The following BCL6 variants were observed in gnomAD, a reference collection of about 807,000 sequenced individuals.
BCL6 encodes the protein BCL6 transcription repressor, also known as B-cell lymphoma 6 protein.
BCL6 carries 7 observed loss-of-function variants against 59.5 expected under a neutral mutation model. The observed-to-expected ratio is 0.12, with a 90% CI of 0.07 to 0.22. The LOEUF (loss-of-function observed/expected upper bound fraction) is 0.22. Ranked by LOEUF, BCL6 falls within the 10% of genes least tolerant of loss-of-function variation. BCL6 has a pLI of 1.00. For synonymous variants in BCL6, 339 were observed against 349.7 expected, an observed-to-expected ratio of 0.97 and a Z score of 0.34; for missense variants, 685 against 939.4, an observed-to-expected ratio of 0.73 and a Z score of 3.54.
chr3:187,735,105 TA>T (rs1319343023), intron 1 of BCL6, among the ~76,000 whole-genome samples, 198 bp from the exon 2 acceptor site: 3 of 152,230 alleles, frequency 2.0e-5, no homozygotes, highest in Admixed American at 6.5e-5. Flanking sequence ...AGCTATGAGA[TA>T]ATAATGTTTT....
At chr3:187,728,238 G>T in intron 6 of BCL6, 122 bp downstream of exon 6, 1 of 1,049,914 alleles carries the variant, frequency 9.5e-7, no homozygotes, top group Non-Finnish European at 1.3e-6. Context: ...GAGTGCCAGT[G>T]GACTTCCAAT....
intron 7 of BCL6, among the ~76,000 whole-genome samples, chr3:187,726,238 A>G (rs1718688304): frequency 1.3e-5 from 2 of 152,234 alleles, no homozygotes. Context: ...GAGGAAACCA[A>G]TAGAATGGCT....
At chr3:187,740,043 C>A (rs1228312217) in intron 1 of BCL6, among the ~76,000 whole-genome samples, 1 of 152,196 alleles carries the variant, frequency 6.6e-6, no homozygotes, top group Non-Finnish European at 1.5e-5. Flanking sequence ...GGGCCGAACT[C>A]GATCCCCGCC....
chr3:187,726,727 A>AT lies in BCL6; in HGVS notation c.1708+3dup. On this transcript the variant is annotated splice_donor_region_variant and intron_variant, in intron 7 of 9. Transcript: ENST00000406870. ...AGTTCGGGTCGTGTGGGGCAGGGCC[A>AT]TACCGGTATGGACGGTCTTGTGGCT... 2 of 1,613,918 alleles carry AT rather than the reference A, an allele frequency of 1.2e-6. No homozygotes were observed. The highest frequency in any genetic ancestry group is 1.7e-6 in the Non-Finnish European group (2 of 1,179,920).
At chr3:187,745,160 T>A (rs1711876381) in intron 1 of BCL6, among the ~76,000 whole-genome samples, 1 of 152,134 alleles carries the variant, frequency 6.6e-6, no homozygotes, top group South Asian at 2.1e-4. Flanking sequence ...TATCCTATGG[T>A]GGGAGAGACG....
rs1031592332 is a variant in BCL6 at position 187,728,583 on chromosome 3, A to G, written c.1356-39T>C. The G allele has an allele frequency of 7.6e-6, 12 of 1,569,298 alleles. No homozygotes were observed. In the African/African-American group the frequency reaches 1.7e-4, roughly 22 times the overall value. Reference sequence around the variant, plus strand: ...TAAAAACAGCCTCAGCACCTGGGGCAGGGCCTCAAGACCACCCTCTCCTCC... The same window carrying G: ...TAAAAACAGCCTCAGCACCTGGGGCGGGGCCTCAAGACCACCCTCTCCTCC... On this transcript the variant is annotated intron_variant, in intron 5 of 9. Coordinates refer to ENST00000406870, the MANE Select transcript of BCL6 (RefSeq NM_001706.5).
At position 187,727,333 on chromosome 3, in the gene BCL6, A is replaced by G. The variant is rs3821818; in HGVS notation, c.1541-435T>C. Among the ~76,000 whole-genome samples, 16 of 152,346 alleles carry G rather than the reference A, an allele frequency of 1.1e-4. No individual in the cohort carries two copies. In the East Asian group the frequency reaches 3.1e-3, roughly 29 times the overall value. On this transcript the variant is annotated intron_variant, in intron 6 of 9. Transcript: ENST00000406870. ...TCTCTGTATCTCTGTCTTCAAAGTC[A>G]GATAATAAATCCCTGTCCTGCCTAC... is the stretch of plus-strand genomic sequence containing the variant.
At chr3:187,727,144 T>C (rs553677269) in intron 6 of BCL6, among the ~76,000 whole-genome samples, 21 of 152,316 alleles carry the variant, frequency 1.4e-4, no homozygotes, top group Middle Eastern at 3.4e-3. Flanking sequence ...GAAGGGAAGC[T>C]CAAACCAACA....
At chr3:187,731,969 C>G in intron 3 of BCL6, 39 bp from the exon 4 acceptor site, 1 of 1,548,998 alleles carries the variant, frequency 6.5e-7, no homozygotes, top group Non-Finnish European at 8.9e-7. Flanking sequence ...GTAGACATAT[C>G]GAATCTGTGA....
At chr3:187,723,493 C>T (rs1463587412) in intron 9 of BCL6, among the ~76,000 whole-genome samples, 8 of 152,138 alleles carry the variant, frequency 5.3e-5, no homozygotes, top group African/African-American at 1.2e-4. Flanking sequence ...ATGGAACTAA[C>T]GTAAGATGTT....
chr3:187,724,259 T>C (rs929776325), intron 9 of BCL6, among the ~76,000 whole-genome samples: 1 of 152,220 alleles, frequency 6.6e-6, no homozygotes, highest in Non-Finnish European at 1.5e-5. Flanking sequence ...TTAAATTTCA[T>C]ATAATTTGCA....
At chr3:187,727,014 T>TCACC in intron 6 of BCL6, 116 bp from the exon 7 acceptor site, 1 of 1,179,206 alleles carries the variant, frequency 8.5e-7, no homozygotes, top group South Asian at 1.5e-5. Context: ...AGTCCCTCAC[T>TCACC]CACCCACCCG....
In BCL6 at chr3:187,722,308, C is replaced by G; in HGVS notation, c.*150G>C. On this transcript the variant is annotated 3_prime_UTR_variant, in exon 10 of 10. Coordinates refer to ENST00000406870, the MANE Select transcript of BCL6 (RefSeq NM_001706.5). ...CTGCGGCTCCCAGTCCCCCAGGCCC[C>G]GACCCCCACCACCCCCAACCCCCAG... The G allele has an allele frequency of 2.2e-5, 7 of 313,144 alleles. No homozygotes were observed. The highest frequency in any genetic ancestry group is 2.2e-4 in the South Asian group (3 of 13,764). The allele number at this position is 313,144 out of a possible 1,614,324, so 19.4% of individuals were successfully genotyped here.
chr3:187,744,358 C>T (rs1711771375), intron 1 of BCL6, among the ~76,000 whole-genome samples: 1 of 146,590 alleles, frequency 6.8e-6, no homozygotes, highest in Middle Eastern at 3.4e-3. Context: ...CGCCATCAGT[C>T]TCTCTCCTCG....
At position 187,725,454 on chromosome 3, in the gene BCL6, G is replaced by GCTCGCCTGCCCACTC; in HGVS notation, c.1839+44_1839+45insGAGTGGGCAGGCGAG. ...TGCCCACTCCTCCGCTCGCCTGCCC[G>GCTCGCCTGCCCACTC]CTCCGCTCGCCTGCCCGCTCCGCTC... is the stretch of plus-strand genomic sequence containing the variant. On this transcript the variant is annotated intron_variant, in intron 8 of 9. Coordinates refer to ENST00000406870, the MANE Select transcript of BCL6 (RefSeq NM_001706.5). This position sits in a 1 kb window ranked among gnomAD's most constrained non-coding sequence, Gnocchi z 4.7. 3 of 1,545,914 alleles carry GCTCGCCTGCCCACTC rather than the reference G, an allele frequency of 1.9e-6. No individual in the cohort carries two copies. The highest frequency in any genetic ancestry group is 2.6e-6 in the Non-Finnish European group (3 of 1,150,192).
At chr3:187,743,936 C>T (rs1028100605) in intron 1 of BCL6, among the ~76,000 whole-genome samples, 2 of 152,184 alleles carry the variant, frequency 1.3e-5, no homozygotes, top group South Asian at 2.1e-4. Context: ...GCCCGCTCCT[C>T]CCGCGCCGGG....
In BCL6 at chr3:187,729,612, T is replaced by C. The variant is rs1048274829; in HGVS notation, c.793A>G (p.Ile265Val). The change falls in exon 5 of 10, where the codon ATC (isoleucine) becomes GTC (valine). Residue 265 changes from isoleucine (I) to valine (V), a missense_variant. Ile to Val is a conservative substitution (Grantham distance 29). This residue lies in a region of BCL6 where 268 missense variants were observed against 263.8 expected (regional missense o/e 1.02). Coordinates refer to ENST00000406870, the MANE Select transcript of BCL6 (RefSeq NM_001706.5). This position sits in a 1 kb window ranked among gnomAD's most constrained non-coding sequence, Gnocchi z 5.6. ...ATATCACTTCGTGCCTCTTCTGGGA[T>C]TGTTTCCTTGGGTGAATAGATATTG... ...HSNIYSPKET[I>V]PEEARSDMHY... 3.7e-6 allele frequency: 6 copies of C among 1,614,152 alleles called. No individual in the cohort carries two copies. The highest frequency in any genetic ancestry group is 1.6e-4 in the Middle Eastern group (1 of 6,062).
chr3:187,745,320 A>G (rs1711900489), intron 1 of BCL6, 90 bp downstream of exon 1: 3 of 401,098 alleles, frequency 7.5e-6, no homozygotes, highest in Middle Eastern at 5.0e-4. Flanking sequence ...AATAATGATC[A>G]TGAGCAGCGG....
chr3:187,737,381 G>GAGAGAA lies in BCL6; in HGVS notation c.-49-2475_-49-2474insTTCTCT, dbSNP rs1553841128. 5.0e-3 allele frequency: 630 copies of GAGAGAA among 125,412 alleles called. 17 individuals are homozygous for GAGAGAA. Among genetic ancestry groups the GAGAGAA allele is most frequent in the African/African-American group, 0.018 (451 of 25,750 alleles). The allele number at this position is 125,412 out of a possible 1,614,324, so 7.8% of individuals were successfully genotyped here. A position where few individuals can be genotyped will look rare whatever the true frequency, so the allele number is the denominator to read the frequency against. On this transcript the variant is annotated intron_variant, in intron 1 of 9. Coordinates refer to ENST00000406870, the MANE Select transcript of BCL6 (RefSeq NM_001706.5). ...AGAGAGAGAGAGAGAGAGAGAGAGA[G>GAGAGAA]AGAGAGAGAGAGAGAAAATGAGAGA...
Sources: allele counts gnomAD v4.1 joint callset (sites outside exome capture counted in the v4.1 genomes callset), GRCh38; gene constraint gnomAD v4.1.1; regional missense constraint gnomAD v4.1.1; non-coding constraint Gnocchi (gnomAD v3.1); transcripts MANE v1.5; gene names NCBI Gene and HGNC (gene_info 2026-07-23, HGNC 2026-07-21).